The following UBA5 variants were observed in gnomAD, a reference collection of about 807,000 sequenced individuals.
UBA5 encodes ubiquitin-like modifier-activating enzyme 5.
Under a neutral mutation model 52.9 loss-of-function variants are expected in UBA5, and 28 were observed. That is an observed-to-expected ratio of 0.53 (90% CI 0.39 to 0.73). The LOEUF is 0.73. Among genes scored for constraint, UBA5 ranks in the 30% least tolerant of loss-of-function variants. The probability of loss-of-function intolerance (pLI) is 0.00; values close to 1 mark genes in which losing one functional copy is unlikely to be tolerated. For synonymous variants in UBA5, 135 were observed against 162.1 expected (o/e 0.83, Z 1.27); for missense variants, 388 against 492.7 (o/e 0.79, Z 2.01).
At position 132,660,365 on chromosome 3, in the gene UBA5, C is replaced by T. The variant is rs974164697; in HGVS notation, c.-173C>T. ...GGCTCCGAGGAAGGCCTGTGGGAGT[C>T]TCGGAGACGTGTCTGTCTGTGAGGC... On this transcript the variant is annotated 5_prime_UTR_variant, in exon 1 of 12. Transcript: ENST00000356232. This position sits in a 1 kb window ranked among gnomAD's most constrained non-coding sequence, Gnocchi z 4.1. 6.3e-6 allele frequency: 5 copies of T among 787,958 alleles called. No individual in the cohort carries two copies. Among genetic ancestry groups the T allele is most frequent in the Non-Finnish European group, 9.8e-6 (5 of 509,056 alleles). 48.8% of individuals were successfully genotyped at this position (787,958 alleles called of 1,614,324 possible).
rs561408894 is a variant in UBA5 at position 132,676,818 on chromosome 3, A to G, written c.*292A>G. The stretch of plus-strand genomic sequence containing the variant: ...ATGTTTTGGCCTTTTGGAGTGGGGG[A>G]AGGACAAATCTGATCCTGTAATCTT... On this transcript the variant is annotated 3_prime_UTR_variant, in exon 12 of 12. Coordinates refer to ENST00000356232, the MANE Select transcript of UBA5 (RefSeq NM_024818.6). The surrounding 1 kb of genome is among the most constrained non-coding windows in gnomAD (Gnocchi z 4.1). 481 of 483,168 alleles carry G rather than the reference A, an allele frequency of 1.0e-3. 11 individuals carry two copies. The highest frequency in any genetic ancestry group is 7.3e-3 in the South Asian group (470 of 64,794). The allele number at this position is 483,168 out of a possible 1,614,324, so 29.9% of individuals were successfully genotyped here.
chr3:132,657,486 T>C (rs549729609), upstream of UBA5, among the ~76,000 whole-genome samples: 32 of 152,350 alleles, frequency 2.1e-4, no homozygotes. Context: ...GGATTTTGAT[T>C]GTCATTGCTT....
upstream of UBA5, chr3:132,659,651 G>A: frequency 1.2e-6 from 2 of 1,611,654 alleles, no homozygotes; most frequent in Non-Finnish European, 1.7e-6. Context: ...CCCAAAGCCA[G>A]ACAAGTGCTG....
In UBA5 at chr3:132,675,388, A is replaced by G. The variant is rs530180409; in HGVS notation, c.948+5A>G. ...AAGCAGCAGGAGGAATATAAGGTAT[A>G]TGACAATCTGTTAGAATGCATGAGG... On this transcript the variant is annotated splice_donor_5th_base_variant and intron_variant, in intron 9 of 11. Transcript: ENST00000356232. The G allele has an allele frequency of 4.3e-6, 7 of 1,613,242 alleles. No homozygotes were observed. The African/African-American group carries it at 5.3e-5, about 12-fold the overall frequency.
intron 3 of UBA5, 57 bp from the exon 4 acceptor site, chr3:132,668,761 T>A (rs556528057): frequency 1.6e-5 from 17 of 1,096,472 alleles, no homozygotes; most frequent in Non-Finnish European, 2.0e-5. Context: ...ATTTATTTTT[T>A]GATATGTTTA....
At chr3:132,655,889 C>A (rs894205828), upstream of UBA5, among the ~76,000 whole-genome samples, 1 of 152,070 alleles carries the variant, frequency 6.6e-6, no homozygotes, top group Admixed American at 6.5e-5. Context: ...TTTATCTTTC[C>A]AATAAGATTT....
chr3:132,679,745 T>C lies in UBA5; in HGVS notation c.*3219T>C, dbSNP rs1049005550. ...CATTACTTGCTATGTATTAAATGAC[T>C]TGTACCACTAAATAATCAAATTCTA... On this transcript the variant is annotated 3_prime_UTR_variant, in exon 12 of 12. Transcript: ENST00000356232. 1.3e-5 allele frequency among the ~76,000 whole-genome samples: 2 copies of C among 152,214 alleles called. No individual in the cohort carries two copies. Among genetic ancestry groups the C allele is most frequent in the African/African-American group, 4.8e-5 (2 of 41,458 alleles).
At chr3:132,675,543 G>A in intron 9 of UBA5, 62 bp from the exon 10 acceptor site, 2 of 1,538,996 alleles carry the variant, frequency 1.3e-6, no homozygotes, top group South Asian at 1.2e-5. Flanking sequence ...CTGAATTCTT[G>A]ATTAATGCTT....
At chr3:132,663,227 A>G (rs1938241260) in intron 1 of UBA5, among the ~76,000 whole-genome samples, 1 of 152,152 alleles carries the variant, frequency 6.6e-6, no homozygotes, top group Non-Finnish European at 1.5e-5. Context: ...AACTTCAGGT[A>G]GGGCTAAAAA....
At position 132,660,610 on chromosome 3, in the gene UBA5, C is replaced by G; in HGVS notation, c.73C>G (p.Leu25Val). Residue 25 changes from leucine to valine, a missense_variant, in exon 1 of 12, where the codon CTG becomes GTG. Physicochemically the swap from Leu to Val is conservative, Grantham distance 32. Transcript: ENST00000356232. The surrounding 1 kb of genome is among the most constrained non-coding windows in gnomAD (Gnocchi z 4.1). ...LERELAQERSLQVPRSGDGGG... is the reference protein window; with the variant it reads ...LERELAQERSVQVPRSGDGGG... ...GCGGGAACTTGCCCAGGAGAGGAGT[C>G]TGCAGGTCCCGAGGAGCGGCGACGG... 6.4e-7 allele frequency: 1 copy of G among 1,557,446 alleles called. No individual in the cohort carries two copies. The highest frequency in any genetic ancestry group is 8.7e-7 in the Non-Finnish European group (1 of 1,150,874).
upstream of UBA5, among the ~76,000 whole-genome samples, chr3:132,655,673 A>G (rs1231681134): frequency 6.6e-6 from 1 of 152,180 alleles, no homozygotes; most frequent in Admixed American, 6.5e-5. Context: ...TCCATGTTAC[A>G]TATCAACTTC....
chr3:132,656,951 T>C (rs1196759624), upstream of UBA5, among the ~76,000 whole-genome samples: 1 of 152,150 alleles, frequency 6.6e-6, no homozygotes, highest in Non-Finnish European at 1.5e-5. Flanking sequence ...TATAGTTATA[T>C]TCTGAATATT....
rs1938838862 is a variant in UBA5, at chr3:132,676,358, G to T, written c.1132-85G>T. On this transcript the variant is annotated intron_variant, in intron 11 of 11. Coordinates refer to ENST00000356232, the MANE Select transcript of UBA5 (RefSeq NM_024818.6). This position sits in a 1 kb window ranked among gnomAD's most constrained non-coding sequence, Gnocchi z 4.1. ...TTACTTTATAACCTTGTTGAGCATGGTCAAAACTTGCTGATTATATATTCC... is the reference window on the plus strand; with the variant it reads ...TTACTTTATAACCTTGTTGAGCATGTTCAAAACTTGCTGATTATATATTCC... The T allele has an allele frequency of 7.3e-6, 8 of 1,089,742 alleles. No homozygotes were observed. The highest frequency in any genetic ancestry group is 1.1e-5 in the Non-Finnish European group (8 of 739,852). The allele number at this position is 1,089,742 out of a possible 1,614,324, so 67.5% of individuals were successfully genotyped here.
chr3:132,674,428 C>T, intron 8 of UBA5, among the ~76,000 whole-genome samples: 1 of 152,218 alleles, frequency 6.6e-6, no homozygotes, highest in African/African-American at 2.4e-5. Flanking sequence ...TGGCTCACGC[C>T]TGTAATCCCA....
chr3:132,671,180 C>A, intron 6 of UBA5, 131 bp downstream of exon 6: 1 of 723,124 alleles, frequency 1.4e-6, no homozygotes, highest in African/African-American at 1.8e-5. Flanking sequence ...TTGTAATGTT[C>A]TCTTAGCCTA....
rs1938884602 is a variant in UBA5, at chr3:132,677,399, C to CA, written c.*875dup. 6.5e-6 allele frequency: 1 copy of CA among 153,794 alleles called. No individual in the cohort carries two copies. Among genetic ancestry groups the CA allele is most frequent in the African/African-American group, 2.4e-5 (1 of 41,450 alleles). 9.5% of individuals were successfully genotyped at this position (153,794 alleles called of 1,614,324 possible). On this transcript the variant is annotated 3_prime_UTR_variant, in exon 12 of 12. Transcript: ENST00000356232. ...GATTTTCGAGGTAGTGAGATGTCGGCAAGGTTTGTCCTGTATATTAGGAAT... is the reference window on the plus strand; with the variant it reads ...GATTTTCGAGGTAGTGAGATGTCGGCAAAGGTTTGTCCTGTATATTAGGAAT...
rs112532615 is a variant in UBA5, at chr3:132,674,336, T to C, written c.813-912T>C. Reference sequence around the variant, plus strand: ...TATTATGTTAGTGCAAAGGTAATTGTGGATTTTGCCATTACTTTTAACAAA... The same window carrying C: ...TATTATGTTAGTGCAAAGGTAATTGCGGATTTTGCCATTACTTTTAACAAA... On this transcript the variant is annotated intron_variant, in intron 8 of 11. Coordinates refer to ENST00000356232, the MANE Select transcript of UBA5 (RefSeq NM_024818.6). Among the ~76,000 whole-genome samples, 183 of 152,316 alleles carry C rather than the reference T, an allele frequency of 1.2e-3. 1 individual carries two copies. Among genetic ancestry groups the C allele is most frequent in the African/African-American group, 3.8e-3 (157 of 41,574 alleles).
chr3:132,675,983 A>T, intron 11 of UBA5, 60 bp downstream of exon 11: 1 of 1,137,912 alleles, frequency 8.8e-7, no homozygotes, highest in South Asian at 1.6e-5. Context: ...TATCATCTTC[A>T]TTCTAATTTG....
chr3:132,675,498 G>C lies in UBA5; in HGVS notation c.949-107G>C. 2.6e-6 allele frequency: 4 copies of C among 1,514,212 alleles called. No individual in the cohort carries two copies. In the South Asian group the frequency reaches 3.6e-5, roughly 14 times the overall value. The allele number at this position is 1,514,212 out of a possible 1,614,324, so 93.8% of individuals were successfully genotyped here. A position where few individuals can be genotyped will look rare whatever the true frequency, so the allele number is the denominator to read the frequency against. On this transcript the variant is annotated intron_variant, in intron 9 of 11. Transcript: ENST00000356232. The stretch of plus-strand genomic sequence containing the variant: ...TATTCACCATACTTCAAAAATGAAT[G>C]TTCTTTCTTGCTTTTGGTAAGATAA...
Sources: allele counts gnomAD v4.1 joint callset (sites outside exome capture counted in the v4.1 genomes callset), GRCh38; gene constraint gnomAD v4.1.1; non-coding constraint Gnocchi (gnomAD v3.1); transcripts MANE v1.5; gene names NCBI Gene and HGNC (gene_info 2026-07-23, HGNC 2026-07-21).